Variants in CHODL observed in about 807,000 individuals in gnomAD.
The protein encoded by CHODL is chondrolectin.
Under a neutral mutation model 34.5 loss-of-function variants are expected in CHODL, and 29 were observed. The ratio of observed to expected loss-of-function variants is 0.84; its 90% CI spans 0.63 to 1.15. The LOEUF (loss-of-function observed/expected upper bound fraction) is 1.15, where lower values mean the gene tolerates loss of function less well. CHODL is among the 50% of genes most tolerant of loss of function. The probability of loss-of-function intolerance (pLI) is 0.00; values close to 1 mark genes in which losing one functional copy is unlikely to be tolerated. For missense variants in CHODL, 332 were observed against 332.5 expected, an observed-to-expected ratio of 1.00 and a Z score of 0.01; for synonymous variants, 125 against 116.1, an observed-to-expected ratio of 1.08 and a Z score of -0.49.
intron 2 of CHODL, among the ~76,000 whole-genome samples, chr21:18,166,582 G>A (rs1186861365): frequency 6.6e-6 from 1 of 151,926 alleles, no homozygotes; most frequent in African/African-American, 2.4e-5. Flanking sequence ...GCTAATTCGG[G>A]GTTTGAGATG....
chr21:17,947,510 C>T (rs1002806727), intron 1 of CHODL, among the ~76,000 whole-genome samples: 1 of 149,306 alleles, frequency 6.7e-6, no homozygotes, highest in African/African-American at 2.5e-5. Context: ...CCAGAATCTA[C>T]AAGAAATTCA....
intron 2 of CHODL, among the ~76,000 whole-genome samples, chr21:18,113,406 TA>T (rs2065375509): frequency 6.6e-6 from 1 of 152,166 alleles, no homozygotes; most frequent in East Asian, 1.9e-4. Context: ...CTCACATTGC[TA>T]AAAATAACTA....
At chr21:18,011,077 A>G (rs1303386491) in intron 1 of CHODL, among the ~76,000 whole-genome samples, 1 of 152,056 alleles carries the variant, frequency 6.6e-6, no homozygotes, top group African/African-American at 2.4e-5. Context: ...TTCCCTATGT[A>G]TGCTGTATGT....
intron 1 of CHODL, among the ~76,000 whole-genome samples, chr21:17,977,364 C>CTTT (rs542807552): frequency 4.5e-5 from 6 of 134,140 alleles, no homozygotes; most frequent in East Asian, 2.2e-4. Flanking sequence ...GGCTGTTTTA[C>CTTT]TTTTTTTTTT....
chr21:17,964,560 G>A (rs197522), intron 1 of CHODL, among the ~76,000 whole-genome samples: 1,763 of 152,284 alleles, frequency 0.012, 26 homozygotes, highest in African/African-American at 0.039. Context: ...TTTTACTTAA[G>A]AATTGGTTCC....
At chr21:17,989,729 G>T (rs367692720) in intron 1 of CHODL, among the ~76,000 whole-genome samples, 5 of 152,126 alleles carry the variant, frequency 3.3e-5, no homozygotes, top group African/African-American at 7.2e-5. Flanking sequence ...TTCAATTAAT[G>T]CAAGGCTTGT....
intron 2 of CHODL, among the ~76,000 whole-genome samples, chr21:18,128,164 G>A (rs142441099): frequency 2.0e-5 from 3 of 151,300 alleles, no homozygotes; most frequent in Non-Finnish European, 3.0e-5. Context: ...AGCTGGGCGT[G>A]GTGGCGGGCG....
chr21:18,239,410 T>C (rs2074060459), intron 2 of CHODL, among the ~76,000 whole-genome samples: 1 of 152,108 alleles, frequency 6.6e-6, no homozygotes, highest in African/African-American at 2.4e-5. Context: ...CAGAAGGATA[T>C]TTAAATTGAT....
chr21:17,954,336 G>A (rs1217276382), intron 1 of CHODL, among the ~76,000 whole-genome samples: 1 of 151,884 alleles, frequency 6.6e-6, no homozygotes, highest in Non-Finnish European at 1.5e-5. Flanking sequence ...TAACATCCTT[G>A]TGAAGGTTAA....
intron 1 of CHODL, among the ~76,000 whole-genome samples, chr21:18,009,820 G>A (rs2146410790): frequency 6.8e-6 from 1 of 146,402 alleles, no homozygotes; most frequent in Admixed American, 7.0e-5. Context: ...CCTGGGAAGC[G>A]GAGCTTGCAG....
chr21:17,932,516 T>C (rs1358712789), intron 1 of CHODL, among the ~76,000 whole-genome samples: 2 of 152,258 alleles, frequency 1.3e-5, no homozygotes, highest in Non-Finnish European at 2.9e-5. Flanking sequence ...TGTATGTTTA[T>C]TGTGACACTA....
chr21:18,102,689 T>C (rs1291342695), intron 2 of CHODL, among the ~76,000 whole-genome samples: 1 of 152,198 alleles, frequency 6.6e-6, no homozygotes, highest in African/African-American at 2.4e-5. Flanking sequence ...TTTAATTGAT[T>C]TCATAAATCA....
chr21:18,001,644 T>A (rs534339733), intron 1 of CHODL, among the ~76,000 whole-genome samples: 3 of 152,298 alleles, frequency 2.0e-5, no homozygotes, highest in South Asian at 2.1e-4. Context: ...TGAGTTTTTT[T>A]AAAAAGCCTA....
At chr21:18,257,899 T>A (rs773814853) in intron 3 of CHODL, among the ~76,000 whole-genome samples, 2 of 152,222 alleles carry the variant, frequency 1.3e-5, no homozygotes, top group South Asian at 2.1e-4. Context: ...ACTCATTTTT[T>A]AAAATCATCT....
chr21:18,008,157 A>C (rs1218796721), intron 1 of CHODL, among the ~76,000 whole-genome samples: 1 of 152,000 alleles, frequency 6.6e-6, no homozygotes, highest in Non-Finnish European at 1.5e-5. Context: ...TTTTTTTAAA[A>C]AAAAGCTTTA....
chr21:18,063,086 A>C (rs1342674507), intron 2 of CHODL, among the ~76,000 whole-genome samples: 1 of 152,214 alleles, frequency 6.6e-6, no homozygotes, highest in East Asian at 1.9e-4. Flanking sequence ...CGTTTCAAAT[A>C]ACTGAAGATC....
At chr21:18,080,942 A>C (rs1299205273) in intron 2 of CHODL, among the ~76,000 whole-genome samples, 2 of 152,188 alleles carry the variant, frequency 1.3e-5, no homozygotes, top group African/African-American at 4.8e-5. Flanking sequence ...GGTCATTTTA[A>C]CTACATTTAT....
intron 1 of CHODL, among the ~76,000 whole-genome samples, chr21:17,981,194 T>G (rs371282862): frequency 1.2e-4 from 18 of 152,294 alleles, no homozygotes; most frequent in African/African-American, 4.1e-4. Flanking sequence ...AAAACCTGTT[T>G]AGAGCCCCAG....
At chr21:17,972,018 A>C (rs992125936) in intron 1 of CHODL, among the ~76,000 whole-genome samples, 5 of 152,222 alleles carry the variant, frequency 3.3e-5, no homozygotes, top group African/African-American at 1.2e-4. Context: ...CGTGCAAATC[A>C]AGAAACGTAA....
Sources: gnomAD v4.1 joint callset for allele counts (sites outside exome capture counted in the v4.1 genomes callset) on GRCh38, gnomAD v4.1.1 for gene constraint, MANE v1.5 for transcripts, NCBI Gene and HGNC (gene_info 2026-07-23, HGNC 2026-07-21) for gene names.